PHIP: variants seen among roughly 807,000 people sequenced by gnomAD.
The protein encoded by PHIP is PH-interacting protein.
A neutral mutation model predicts 236.8 loss-of-function variants in PHIP; 54 were observed. That is an observed-to-expected ratio of 0.23 (90% CI 0.18 to 0.29). The LOEUF (loss-of-function observed/expected upper bound fraction) is 0.29, where lower values mean the gene tolerates loss of function less well. Among genes scored for constraint, PHIP ranks in the 10% least tolerant of loss-of-function variants. The pLI is 1.00. For synonymous variants in PHIP, 756 were observed against 718.9 expected, an observed-to-expected ratio of 1.05 and a Z score of -0.83; for missense variants, 1,370 against 2,190.8, an observed-to-expected ratio of 0.63 and a Z score of 7.48.
chr6:79,077,453 T>G lies in PHIP; in HGVS notation c.184A>C (p.Asn62His), dbSNP rs1307636651. ...TGKEHPRTYQ[N>H]LVKYYRHLAP... is the part of the protein sequence containing the mutation. ...CTGCGACGTGAATGTCTCACCAGAT[T>G]CTGGTAGGTCCTGGGATGCTCCTTC... The change falls in exon 4 of 40, where the codon AAT (asparagine) becomes CAT (histidine). Residue 62 changes from asparagine (N) to histidine (H), a missense_variant. By Grantham distance (68) the Asn-to-His change is moderately conservative. Around this residue, in one of 14 missense-constraint regions of PHIP, gnomAD observed 82 missense variants for 203.2 expected, o/e 0.40. Coordinates refer to ENST00000275034, the MANE Select transcript of PHIP (RefSeq NM_017934.7). 1 of 1,601,132 alleles carries G rather than the reference T, an allele frequency of 6.2e-7. No homozygotes were observed. Among genetic ancestry groups the G allele is most frequent in the African/African-American group, 1.4e-5 (1 of 73,816 alleles).
At position 79,025,437 on chromosome 6, in the gene PHIP, C is replaced by T. The variant is rs9443639; in HGVS notation, c.923+82G>A. The T allele has an allele frequency of 3.4e-3, 2,558 of 755,534 alleles. 59 individuals are homozygous for T. In the African/African-American group the frequency reaches 0.04, roughly 12 times the overall value. The allele number at this position is 755,534 out of a possible 1,614,324, so 46.8% of individuals were successfully genotyped here. On this transcript the variant is annotated intron_variant, in intron 9 of 39. Coordinates refer to ENST00000275034, the MANE Select transcript of PHIP (RefSeq NM_017934.7). ...TCAAGGAGAAAAAGTAAATGTATTC[C>T]TATTGTCGACTACTTTATACTTTTG...
intron 7 of PHIP, among the ~76,000 whole-genome samples, chr6:79,032,450 T>C (rs1190677979): frequency 6.6e-6 from 1 of 152,234 alleles, no homozygotes; most frequent in East Asian, 1.9e-4. Flanking sequence ...GTTCATGTAA[T>C]AGTCCACATC....
At chr6:78,949,536 A>G (rs1186989614) in intron 35 of PHIP, among the ~76,000 whole-genome samples, 1 of 152,066 alleles carries the variant, frequency 6.6e-6, no homozygotes, top group East Asian at 1.9e-4. Flanking sequence ...GTTAACTGTG[A>G]CCTGCCTTGC....
At chr6:79,005,881 C>A (rs190282064) in intron 15 of PHIP, among the ~76,000 whole-genome samples, 1 of 152,022 alleles carries the variant, frequency 6.6e-6, no homozygotes, top group East Asian at 1.9e-4. Context: ...AATGTTGCCA[C>A]ATTTACAGTT....
chr6:78,953,829 G>A (rs1445797378), intron 35 of PHIP, among the ~76,000 whole-genome samples: 3 of 151,988 alleles, frequency 2.0e-5, no homozygotes, highest in East Asian at 1.9e-4. Flanking sequence ...CAGGTGATCC[G>A]CCTGCCTTGG....
intron 7 of PHIP, 114 bp from the exon 8 acceptor site, chr6:79,026,278 C>A: frequency 3.9e-6 from 3 of 774,412 alleles, no homozygotes; most frequent in Admixed American, 2.3e-5. Flanking sequence ...TTTTTAAATA[C>A]CAAAAAGTGT....
chr6:78,936,376 C>T lies in PHIP; in HGVS notation c.*4317G>A, dbSNP rs1377210683. On this transcript the variant is annotated 3_prime_UTR_variant, in exon 40 of 40. Transcript: ENST00000275034. ...AGATCTTCAGTAAGACCCCTGTCTT[C>T]TTGCAGTTTTAATATGGTCCAAAAA... is the stretch of plus-strand genomic sequence containing the variant. 6.6e-6 allele frequency: 1 copy of T among 151,880 alleles called. No individual in the cohort carries two copies. Among genetic ancestry groups the T allele is most frequent in the African/African-American group, 2.4e-5 (1 of 41,420 alleles). 9.4% of individuals were successfully genotyped at this position (151,880 alleles called of 1,614,324 possible).
chr6:79,038,153 T>G (rs1439003023), intron 7 of PHIP, among the ~76,000 whole-genome samples: 1 of 152,240 alleles, frequency 6.6e-6, no homozygotes, highest in Non-Finnish European at 1.5e-5. Flanking sequence ...TTGGTCTTAG[T>G]CTGTTGGAGC....
intron 17 of PHIP, 112 bp from the exon 18 acceptor site, chr6:78,998,503 A>G: frequency 1.4e-6 from 1 of 722,976 alleles, no homozygotes; most frequent in South Asian, 2.2e-5. Flanking sequence ...CTTGGGTAAA[A>G]GACTTAAATG....
chr6:78,974,928 G>A (rs1269075703), intron 24 of PHIP, among the ~76,000 whole-genome samples: 5 of 151,464 alleles, frequency 3.3e-5, no homozygotes, highest in South Asian at 2.1e-4. Context: ...ATTCACAGCC[G>A]AATTCTACCA....
intron 7 of PHIP, among the ~76,000 whole-genome samples, chr6:79,026,551 T>G (rs1468843681): frequency 6.6e-6 from 1 of 151,966 alleles, no homozygotes; most frequent in East Asian, 1.9e-4. Flanking sequence ...AATACAAAAC[T>G]AAAAGTAAGC....
Position 78,982,883 on chromosome 6 carries a change from A to G in PHIP, c.2769+3T>C, listed in dbSNP as rs1768631310. On this transcript the variant is annotated splice_donor_region_variant and intron_variant, in intron 23 of 39. Transcript: ENST00000275034. ...ACCAAATTTGTAATGTTAAAAACCA[A>G]ACCTTTTGTTTTCTTTCTTTGGGCT... The G allele has an allele frequency of 6.5e-7, 1 of 1,541,990 alleles. No homozygotes were observed. The highest frequency in any genetic ancestry group is 2.3e-5 in the East Asian group (1 of 44,416).
intron 32 of PHIP, chr6:78,956,265 T>C (rs530106184): frequency 6.6e-6 from 1 of 152,278 alleles, no homozygotes; most frequent in African/African-American, 2.4e-5. Context: ...TGGTTTTTCA[T>C]TATTCTTTCC....
chr6:79,063,528 T>TG (rs1773486026), intron 4 of PHIP, among the ~76,000 whole-genome samples: 1 of 152,142 alleles, frequency 6.6e-6, no homozygotes, highest in Non-Finnish European at 1.5e-5. Flanking sequence ...GTGATTCTCC[T>TG]GCCTCGCCTC....
rs192116941 is a variant in PHIP at position 79,060,174 on chromosome 6, C to T, written c.439+304G>A. ...TTTGTCTCCTACCATTATAACTAATCTGAATTATATATTGATTCTACTAAC... is the reference window on the plus strand; with the variant it reads ...TTTGTCTCCTACCATTATAACTAATTTGAATTATATATTGATTCTACTAAC... On this transcript the variant is annotated intron_variant, in intron 6 of 39. Transcript: ENST00000275034. Among the ~76,000 whole-genome samples the T allele has an allele frequency of 1.5e-3, 228 of 151,696 alleles. 2 individuals carry two copies. The Middle Eastern group carries it at 0.038, about 25-fold the overall frequency.
intron 7 of PHIP, among the ~76,000 whole-genome samples, chr6:79,032,912 G>GA (rs1180822452): frequency 6.6e-6 from 1 of 151,942 alleles, no homozygotes; most frequent in Non-Finnish European, 1.5e-5. Flanking sequence ...AATAAGACTT[G>GA]AAAATCAGAA....
At chr6:79,037,831 G>A (rs145064903) in intron 7 of PHIP, among the ~76,000 whole-genome samples, 156 of 152,226 alleles carry the variant, frequency 1.0e-3, no homozygotes, top group African/African-American at 3.7e-3. Context: ...TTTGTGGTAT[G>A]CCTCCTGTAT....
intron 4 of PHIP, among the ~76,000 whole-genome samples, chr6:79,065,805 C>CAG (rs1451235818): frequency 7.1e-6 from 1 of 139,918 alleles, no homozygotes; most frequent in Admixed American, 7.0e-5. Flanking sequence ...CACACACACA[C>CAG]AGAATAAACA....
intron 4 of PHIP, among the ~76,000 whole-genome samples, chr6:79,066,610 G>A (rs1773635567): frequency 6.6e-6 from 1 of 152,060 alleles, no homozygotes; most frequent in Non-Finnish European, 1.5e-5. Flanking sequence ...CAGAAAAAGA[G>A]AAACATTTCA....
Sources: allele counts gnomAD v4.1 joint callset (sites outside exome capture counted in the v4.1 genomes callset), GRCh38; gene constraint gnomAD v4.1.1; regional missense constraint gnomAD v4.1.1; transcripts MANE v1.5; gene names NCBI Gene and HGNC (gene_info 2026-07-23, HGNC 2026-07-21).